The following WDPCP variants were observed in gnomAD, a reference collection of about 807,000 sequenced individuals.
The protein encoded by WDPCP is WD repeat-containing and planar cell polarity effector protein fritz homolog.
WDPCP carries 71 observed loss-of-function variants against 93.1 expected under a neutral mutation model. The observed-to-expected ratio is 0.76, with a 90% CI of 0.63 to 0.93. The LOEUF (loss-of-function observed/expected upper bound fraction) is 0.93. Among genes scored for constraint, WDPCP ranks in the 40% least tolerant of loss-of-function variants. WDPCP has a pLI of 0.00. For missense variants in WDPCP, 844 were observed against 887.4 expected, an observed-to-expected ratio of 0.95 and a Z score of 0.62; for synonymous variants, 315 against 315.0, an observed-to-expected ratio of 1.00 and a Z score of 0.00.
chr2:63,561,115 C>T (rs1180973574), intron 1 of WDPCP, among the ~76,000 whole-genome samples: 4 of 152,050 alleles, frequency 2.6e-5, no homozygotes, highest in Non-Finnish European at 2.9e-5. Context: ...CTACAGAAAC[C>T]CTAGAAGAAA....
intron 12 of WDPCP, among the ~76,000 whole-genome samples, chr2:63,331,492 A>G (rs1558480353): frequency 6.6e-6 from 1 of 152,224 alleles, no homozygotes; most frequent in Admixed American, 6.5e-5. Flanking sequence ...TATTTCAGGA[A>G]AGATATCTCG....
intron 1 of WDPCP, among the ~76,000 whole-genome samples, chr2:63,516,544 C>G (rs184278603): frequency 4.6e-5 from 7 of 152,240 alleles, no homozygotes; most frequent in African/African-American, 1.7e-4. Context: ...GTTGTGGACA[C>G]TCAAACAGCC....
intron 3 of WDPCP, among the ~76,000 whole-genome samples, chr2:63,486,876 A>T (rs1274926082): frequency 6.6e-6 from 1 of 151,958 alleles, no homozygotes; most frequent in Non-Finnish European, 1.5e-5. Context: ...ACTGCAACAG[A>T]GCCCAGAACA....
intron 8 of WDPCP, 29 bp from the exon 9 acceptor site, chr2:63,433,965 A>G (rs1441699940): frequency 6.2e-7 from 1 of 1,606,356 alleles, no homozygotes; most frequent in Non-Finnish European, 8.5e-7. Context: ...CATACATGAA[A>G]CATTTCTTTT....
At chr2:63,540,100 A>G (rs1704597038) in intron 1 of WDPCP, among the ~76,000 whole-genome samples, 1 of 152,216 alleles carries the variant, frequency 6.6e-6, no homozygotes, top group Non-Finnish European at 1.5e-5. Context: ...TGACTTAAAG[A>G]TGCTATGTAT....
intron 6 of WDPCP, among the ~76,000 whole-genome samples, chr2:63,480,526 A>C (rs1288573231): frequency 6.6e-6 from 1 of 152,240 alleles, no homozygotes; most frequent in African/African-American, 2.4e-5. Flanking sequence ...TAGTGCTGGT[A>C]TAAAAATAGG....
chr2:63,411,591 CT>C (rs1374296202), intron 9 of WDPCP, among the ~76,000 whole-genome samples: 5 of 152,074 alleles, frequency 3.3e-5, no homozygotes, highest in Non-Finnish European at 5.9e-5. Flanking sequence ...CAACAAAAAG[CT>C]GGTGCTTTGA....
intron 15 of WDPCP, among the ~76,000 whole-genome samples, chr2:63,164,478 C>T (rs1559167129): frequency 2.0e-5 from 3 of 152,192 alleles, no homozygotes; most frequent in South Asian, 2.1e-4. Context: ...CACCTCCCCC[C>T]AAACCCCTCT....
chr2:63,410,548 A>G (rs1278072670), intron 9 of WDPCP, among the ~76,000 whole-genome samples: 2 of 152,220 alleles, frequency 1.3e-5, no homozygotes, highest in Non-Finnish European at 2.9e-5. Context: ...TTTCAGTACT[A>G]ACATTGAATG....
At chr2:63,673,637 T>C (rs532000886) in intron 2 of WDPCP, among the ~76,000 whole-genome samples, 111 of 152,336 alleles carry the variant, frequency 7.3e-4, no homozygotes, top group African/African-American at 2.5e-3. Context: ...CACATCTCCA[T>C]GCCCCTGCCC....
At position 63,382,094 on chromosome 2, in the gene WDPCP, C is replaced by T; in HGVS notation, c.1436G>A (p.Gly479Asp). The stretch of plus-strand genomic sequence containing the variant: ...GCCCAGCTGTCCTCGAGTGAAGACG[C>T]CTATCACAAAACATGGAAAACCAGG... ...GPLGVLLFKL[G>D]VFTRGQLGLI... The change falls in exon 11 of 18, where the codon GGC (glycine) becomes GAC (aspartate). Residue 479 changes from glycine to aspartate, a missense_variant and splice_region_variant. Gly to Asp is a moderately conservative substitution (Grantham distance 94). Coordinates refer to ENST00000272321, the MANE Select transcript of WDPCP (RefSeq NM_015910.7). 2.5e-6 allele frequency: 4 copies of T among 1,611,924 alleles called. No homozygotes were observed. Among genetic ancestry groups the T allele is most frequent in the Non-Finnish European group, 2.5e-6 (3 of 1,179,126 alleles).
intron 9 of WDPCP, among the ~76,000 whole-genome samples, chr2:63,412,677 CAA>C (rs1229661674): frequency 1.3e-5 from 2 of 151,960 alleles, no homozygotes; most frequent in Admixed American, 6.5e-5. Context: ...AAGAATTCAG[CAA>C]AGTTTCTGTA....
At chr2:63,224,167 T>C (rs572922092) in intron 14 of WDPCP, among the ~76,000 whole-genome samples, 2 of 152,100 alleles carry the variant, frequency 1.3e-5, no homozygotes, top group East Asian at 3.9e-4. Context: ...ATTAAGGAAA[T>C]GCAATTTTCA....
chr2:63,572,411 T>C (rs1299686069), intron 1 of WDPCP, among the ~76,000 whole-genome samples: 1 of 151,940 alleles, frequency 6.6e-6, no homozygotes, highest in African/African-American at 2.4e-5. Context: ...TAATTATAAA[T>C]TGGACAGTAG....
intron 3 of WDPCP, among the ~76,000 whole-genome samples, chr2:63,602,299 G>A (rs966700988): frequency 2.7e-5 from 4 of 149,192 alleles, no homozygotes; most frequent in African/African-American, 9.9e-5. Context: ...GACATTTTAG[G>A]TAATGGCCTT....
intron 2 of WDPCP, among the ~76,000 whole-genome samples, chr2:63,691,786 G>A (rs1668894413): frequency 1.3e-5 from 2 of 151,860 alleles, no homozygotes; most frequent in African/African-American, 4.8e-5. Context: ...TACAAAAGGA[G>A]AATAAAAAAG....
Position 63,547,384 on chromosome 2 carries a change from G to A in WDPCP, c.75+40813C>T, listed in dbSNP as rs144913924. The stretch of plus-strand genomic sequence containing the variant: ...CTCAAAAACTAAAAATAGAACTACC[G>A]TATGATCCAGCAATTCCACTACTGC... On this transcript the variant is annotated intron_variant, in intron 1 of 17. Transcript: ENST00000272321. 1.7e-3 allele frequency among the ~76,000 whole-genome samples: 265 copies of A among 152,116 alleles called. 1 individual carries two copies. Among genetic ancestry groups the A allele is most frequent in the African/African-American group, 6.1e-3 (253 of 41,498 alleles).
intron 17 of WDPCP, among the ~76,000 whole-genome samples, chr2:63,137,039 A>C (rs1376796229): frequency 6.6e-6 from 1 of 152,176 alleles, no homozygotes; most frequent in African/African-American, 2.4e-5. Flanking sequence ...ATGTCTTTAT[A>C]ACAGAATGAT....
intron 14 of WDPCP, among the ~76,000 whole-genome samples, chr2:63,179,573 G>C (rs377422302): frequency 4.6e-5 from 7 of 151,880 alleles, no homozygotes; most frequent in African/African-American, 1.7e-4. Flanking sequence ...CTCAGAAGCT[G>C]AGTAGATGCC....
Sources: allele counts gnomAD v4.1 joint callset (sites outside exome capture counted in the v4.1 genomes callset), GRCh38; gene constraint gnomAD v4.1.1; transcripts MANE v1.5; gene names NCBI Gene and HGNC (gene_info 2026-07-23, HGNC 2026-07-21).